Variants in FAM168A observed in about 807,000 individuals in gnomAD.
The protein encoded by FAM168A is family with sequence similarity 168 member A, also known as protein FAM168A.
A neutral mutation model predicts 28.5 loss-of-function variants in FAM168A; 3 were observed. The ratio of observed to expected loss-of-function variants is 0.11; its 90% CI spans 0.05 to 0.27. FAM168A has a LOEUF of 0.27. Ranked by LOEUF, FAM168A falls within the 10% of genes least tolerant of loss-of-function variation. FAM168A has a pLI of 1.00. For missense variants in FAM168A, 222 were observed against 311.5 expected (o/e 0.71, Z 2.16); for synonymous variants, 122 against 124.2 (o/e 0.98, Z 0.12).
At chr11:73,534,410 T>TA (rs1303584632) in intron 1 of FAM168A, among the ~76,000 whole-genome samples, 24 of 151,308 alleles carry the variant, frequency 1.6e-4, no homozygotes, top group African/African-American at 5.6e-4. Context: ...TTTATTTATT[T>TA]TTTTTTTTTT....
chr11:73,558,587 TCAA>T (rs1446953253), intron 1 of FAM168A, among the ~76,000 whole-genome samples: 1 of 150,256 alleles, frequency 6.7e-6, no homozygotes, highest in African/African-American at 2.5e-5. Flanking sequence ...CTTTTATAAT[TCAA>T]CAACAAAAAG....
At chr11:73,467,688 G>A (rs980611097) in intron 2 of FAM168A, among the ~76,000 whole-genome samples, 11 of 152,208 alleles carry the variant, frequency 7.2e-5, no homozygotes, top group Admixed American at 3.3e-4. Flanking sequence ...CTTGGGCTCC[G>A]TCTGCCAAAG....
At chr11:73,579,516 G>A (rs1166634082) in intron 1 of FAM168A, among the ~76,000 whole-genome samples, 2 of 152,074 alleles carry the variant, frequency 1.3e-5, no homozygotes, top group African/African-American at 4.8e-5. Context: ...AATTATTGAG[G>A]AATAACTGGA....
chr11:73,480,896 C>T (rs1205688316), intron 1 of FAM168A, among the ~76,000 whole-genome samples: 1 of 152,114 alleles, frequency 6.6e-6, no homozygotes, highest in Admixed American at 6.6e-5. Flanking sequence ...TTTGAAATAG[C>T]ATTTTTCTGC....
At chr11:73,515,521 AAAAAG>A (rs1281695050) in intron 1 of FAM168A, among the ~76,000 whole-genome samples, 6 of 151,474 alleles carry the variant, frequency 4.0e-5, no homozygotes, top group Admixed American at 3.3e-4. Flanking sequence ...AAAAAAAAAA[AAAAAG>A]AAAAGAAACA....
At chr11:73,503,389 C>T (rs187726808) in intron 1 of FAM168A, among the ~76,000 whole-genome samples, 3 of 152,242 alleles carry the variant, frequency 2.0e-5, no homozygotes, top group African/African-American at 7.2e-5. Context: ...CATGAATTAA[C>T]TCCCATTCAC....
intron 1 of FAM168A, among the ~76,000 whole-genome samples, chr11:73,469,542 G>A (rs1239629715): frequency 3.9e-5 from 6 of 152,178 alleles, no homozygotes; most frequent in Non-Finnish European, 5.9e-5. Flanking sequence ...ATGAGATGTG[G>A]AGAAAAGGTG....
intron 1 of FAM168A, among the ~76,000 whole-genome samples, chr11:73,555,252 C>T (rs1321773719): frequency 3.9e-5 from 6 of 152,106 alleles, no homozygotes; most frequent in Admixed American, 3.9e-4. Context: ...ATCTGGTCTA[C>T]CATTAAGCCA....
intron 3 of FAM168A, among the ~76,000 whole-genome samples, chr11:73,422,432 A>G (rs1476938988): frequency 6.6e-6 from 1 of 152,218 alleles, no homozygotes; most frequent in Non-Finnish European, 1.5e-5. Flanking sequence ...ACATCAAAAA[A>G]ACAAATATTA....
intron 2 of FAM168A, among the ~76,000 whole-genome samples, chr11:73,445,319 A>G (rs1867281728): frequency 6.7e-6 from 1 of 149,296 alleles, no homozygotes; most frequent in Non-Finnish European, 1.5e-5. Flanking sequence ...TTAATCTCTT[A>G]TTGTTAGACA....
chr11:73,533,137 T>C (rs1412459252), intron 1 of FAM168A, among the ~76,000 whole-genome samples: 1 of 152,194 alleles, frequency 6.6e-6, no homozygotes. Context: ...GCAAGGCATT[T>C]AATTCTCTGA....
intron 1 of FAM168A, among the ~76,000 whole-genome samples, chr11:73,505,927 T>A (rs1482647059): frequency 6.6e-6 from 1 of 152,176 alleles, no homozygotes; most frequent in East Asian, 1.9e-4. Context: ...CCTTTTCACA[T>A]CAGCTTCTGC....
chr11:73,450,697 A>G (rs1867411616), intron 2 of FAM168A, among the ~76,000 whole-genome samples: 1 of 143,942 alleles, frequency 6.9e-6, no homozygotes, highest in Non-Finnish European at 1.5e-5. Flanking sequence ...AAACAGCAAT[A>G]GTGACAGGTT....
rs1408626003 is a variant in FAM168A at position 73,439,467 on chromosome 11, T to C, written c.71-8697A>G. Reference sequence around the variant, plus strand: ...AAACCAGATCAGCCTTAACTTCCTATGTTATTAGTGTACAAACAGTATCAA... The same window carrying C: ...AAACCAGATCAGCCTTAACTTCCTACGTTATTAGTGTACAAACAGTATCAA... On this transcript the variant is annotated intron_variant, in intron 2 of 7. Transcript: ENST00000356467. 4.6e-5 allele frequency among the ~76,000 whole-genome samples: 7 copies of C among 152,184 alleles called. No individual in the cohort carries two copies. In the South Asian group the frequency reaches 1.0e-3, roughly 22 times the overall value.
intron 3 of FAM168A, chr11:73,430,262 G>C (rs1374890265): frequency 5.8e-6 from 1 of 173,830 alleles, no homozygotes; most frequent in African/African-American, 2.5e-5. Flanking sequence ...GTGTGTGTGT[G>C]TGTGTGTGTC....
At chr11:73,544,995 T>C (rs1345940548) in intron 1 of FAM168A, among the ~76,000 whole-genome samples, 3 of 80,180 alleles carry the variant, frequency 3.7e-5, no homozygotes, top group African/African-American at 2.2e-4. Flanking sequence ...TTATATATAG[T>C]ATATATAATA....
intron 1 of FAM168A, among the ~76,000 whole-genome samples, chr11:73,569,883 T>G (rs1944066238): frequency 1.4e-5 from 2 of 148,022 alleles, no homozygotes; most frequent in Admixed American, 1.3e-4. Flanking sequence ...GAAGCTCTAA[T>G]CAACAGCTAA....
intron 1 of FAM168A, among the ~76,000 whole-genome samples, chr11:73,577,766 A>G (rs1267667892): frequency 6.6e-6 from 1 of 152,226 alleles, no homozygotes; most frequent in Non-Finnish European, 1.5e-5. Context: ...TGCCAGACTT[A>G]AACATAGGCA....
At chr11:73,541,821 T>C (rs1943661674) in intron 1 of FAM168A, among the ~76,000 whole-genome samples, 1 of 152,196 alleles carries the variant, frequency 6.6e-6, no homozygotes, top group African/African-American at 2.4e-5. Flanking sequence ...ATGATGATGA[T>C]AGGAGAAAGT....
Sources: gnomAD v4.1 joint callset for allele counts (sites outside exome capture counted in the v4.1 genomes callset) on GRCh38, gnomAD v4.1.1 for gene constraint, MANE v1.5 for transcripts, NCBI Gene and HGNC (gene_info 2026-07-23, HGNC 2026-07-21) for gene names.